The following CCSER1 variants were observed in gnomAD, a reference collection of about 807,000 sequenced individuals.
The protein encoded by CCSER1 is coiled-coil serine rich protein 1, also known as serine-rich coiled-coil domain-containing protein 1.
Under a neutral mutation model 82.0 loss-of-function variants are expected in CCSER1, and 41 were observed. That is an observed-to-expected ratio of 0.50 (90% CI 0.39 to 0.65). CCSER1 has a LOEUF of 0.65. Ranked by LOEUF, CCSER1 falls within the 30% of genes least tolerant of loss-of-function variation. CCSER1 has a pLI of 0.00. For missense variants in CCSER1, 1,119 were observed against 1,064.2 expected (o/e 1.05, Z -0.72); for synonymous variants, 414 against 383.9 (o/e 1.08, Z -0.92).
Position 90,309,433 on chromosome 4 carries a change from A to G in CCSER1, c.1149A>G (p.Glu383=). 2.5e-6 allele frequency: 4 copies of G among 1,613,870 alleles called. No homozygotes were observed. Among genetic ancestry groups the G allele is most frequent in the Non-Finnish European group, 3.4e-6 (4 of 1,179,808 alleles). ...REENIGLQNG[E]TMLGTNSPRK... ...AAAATATAGGGTTACAAAATGGTGAAACAATGCTGGGGACAAACTCCCCAA... is the reference window on the plus strand; with the variant it reads ...AAAATATAGGGTTACAAAATGGTGAGACAATGCTGGGGACAAACTCCCCAA... Residue 383 remains glutamate, a synonymous_variant, in exon 2 of 11, where the codon GAA becomes GAG. Transcript: ENST00000509176.
chr4:90,540,430 G>C (rs1444801997), intron 5 of CCSER1, among the ~76,000 whole-genome samples: 1 of 152,056 alleles, frequency 6.6e-6, no homozygotes, highest in Non-Finnish European at 1.5e-5. Flanking sequence ...TATGTCATGT[G>C]TGGATAATGG....
chr4:91,151,758 T>A (rs1237447728), intron 10 of CCSER1, among the ~76,000 whole-genome samples: 2 of 152,338 alleles, frequency 1.3e-5, no homozygotes, highest in East Asian at 3.9e-4. Flanking sequence ...GAGCAGGTTG[T>A]TCAGTTTCCA....
At chr4:90,822,504 G>A (rs1048564967) in intron 8 of CCSER1, among the ~76,000 whole-genome samples, 1 of 152,106 alleles carries the variant, frequency 6.6e-6, no homozygotes, top group Admixed American at 6.6e-5. Context: ...CAAGGCGGGC[G>A]AATCACGAGG....
intron 6 of CCSER1, among the ~76,000 whole-genome samples, chr4:90,716,650 AC>A (rs766975515): frequency 6.6e-6 from 1 of 152,080 alleles, no homozygotes; most frequent in Non-Finnish European, 1.5e-5. Context: ...TCAGTTGCCT[AC>A]AATATTCAGT....
intron 1 of CCSER1, among the ~76,000 whole-genome samples, chr4:90,177,518 CCTT>C (rs1371028789): frequency 1.3e-5 from 2 of 152,062 alleles, no homozygotes; most frequent in Non-Finnish European, 2.9e-5. Context: ...TAGAGACTGA[CCTT>C]CTGAATACCT....
At chr4:90,733,573 G>A (rs1392914006) in intron 7 of CCSER1, among the ~76,000 whole-genome samples, 1 of 152,054 alleles carries the variant, frequency 6.6e-6, no homozygotes, top group Non-Finnish European at 1.5e-5. Context: ...GTTGACTGTG[G>A]TTTAGGGATA....
intron 4 of CCSER1, among the ~76,000 whole-genome samples, chr4:90,441,922 G>T (rs1442843508): frequency 1.3e-5 from 2 of 152,214 alleles, no homozygotes; most frequent in Admixed American, 1.3e-4. Flanking sequence ...CTAAGGCAAA[G>T]TTTGTCCTGT....
chr4:90,215,448 C>T (rs1181007696), intron 1 of CCSER1, among the ~76,000 whole-genome samples: 12 of 152,086 alleles, frequency 7.9e-5, no homozygotes. Flanking sequence ...TACTTTCGAC[C>T]TTTAGTATAG....
chr4:90,821,997 A>C (rs78550374), intron 8 of CCSER1, among the ~76,000 whole-genome samples: 1 of 152,186 alleles, frequency 6.6e-6, no homozygotes, highest in South Asian at 2.1e-4. Context: ...AATCTTATAC[A>C]TGGTTTTACA....
intron 6 of CCSER1, among the ~76,000 whole-genome samples, chr4:90,646,048 A>C (rs141572407): frequency 2.6e-4 from 39 of 152,282 alleles, no homozygotes; most frequent in African/African-American, 8.9e-4. Flanking sequence ...CCCTCAGAAG[A>C]GGAAACAATT....
At chr4:90,179,321 A>T (rs1463034736) in intron 1 of CCSER1, among the ~76,000 whole-genome samples, 2 of 152,226 alleles carry the variant, frequency 1.3e-5, no homozygotes, top group Non-Finnish European at 2.9e-5. Flanking sequence ...TATGGCAGGA[A>T]TGGAGAGTTA....
chr4:91,076,601 G>A (rs997896926), intron 9 of CCSER1, among the ~76,000 whole-genome samples: 2 of 151,574 alleles, frequency 1.3e-5, no homozygotes, highest in African/African-American at 4.9e-5. Context: ...TTTAAATTTT[G>A]TAAACTTTAA....
intron 8 of CCSER1, among the ~76,000 whole-genome samples, chr4:90,878,001 G>T (rs1311249447): frequency 6.6e-6 from 1 of 152,166 alleles, no homozygotes; most frequent in Non-Finnish European, 1.5e-5. Flanking sequence ...TGTAATGTGT[G>T]CATTATCATG....
At chr4:91,520,288 A>T (rs751311163) in intron 10 of CCSER1, among the ~76,000 whole-genome samples, 1 of 145,532 alleles carries the variant, frequency 6.9e-6, no homozygotes, top group African/African-American at 2.6e-5. Context: ...TAACTTCAAT[A>T]GTATACAAAA....
chr4:90,638,477 CA>C (rs1725843407), intron 6 of CCSER1, among the ~76,000 whole-genome samples: 1 of 152,062 alleles, frequency 6.6e-6, no homozygotes, highest in East Asian at 1.9e-4. Context: ...TAAATTATTA[CA>C]AGTTATTTTC....
chr4:90,966,752 A>T (rs1734602455), intron 9 of CCSER1, among the ~76,000 whole-genome samples: 1 of 152,134 alleles, frequency 6.6e-6, no homozygotes, highest in Admixed American at 6.5e-5. Context: ...TGCAGAAAGC[A>T]ATAGTTGTAA....
intron 5 of CCSER1, among the ~76,000 whole-genome samples, chr4:90,611,575 T>A (rs1785505498): frequency 6.6e-6 from 1 of 151,674 alleles, no homozygotes; most frequent in Admixed American, 6.6e-5. Flanking sequence ...TTCTAAAATG[T>A]AAGTTCTTAT....
At chr4:91,319,074 G>A in intron 10 of CCSER1, 1 of 267,020 alleles carries the variant, frequency 3.7e-6, no homozygotes, top group South Asian at 3.3e-5. Flanking sequence ...TCCAGAACTT[G>A]GTAAGGAAAT....
intron 10 of CCSER1, among the ~76,000 whole-genome samples, chr4:91,376,470 T>G (rs191775937): frequency 6.6e-6 from 1 of 152,182 alleles, no homozygotes; most frequent in Non-Finnish European, 1.5e-5. Context: ...ATAGGACCAC[T>G]GTCACATATG....
Sources: gnomAD v4.1 joint callset for allele counts (sites outside exome capture counted in the v4.1 genomes callset) on GRCh38, gnomAD v4.1.1 for gene constraint, MANE v1.5 for transcripts, NCBI Gene and HGNC (gene_info 2026-07-23, HGNC 2026-07-21) for gene names.